ABTB3: variants seen among roughly 807,000 people sequenced by gnomAD.
The protein encoded by ABTB3 is ankyrin repeat- and BTB/POZ domain-containing protein 3.
At chr12:107,648,420 A>ACAC in the ABTB3 span, among the ~76,000 whole-genome samples, 2 of 151,622 alleles carry the variant, frequency 1.3e-5, no homozygotes, top group African/African-American at 2.4e-5. Flanking sequence ...ACACAAAGAC[A>ACAC]ATAGGAAGTA....
chr12:107,570,951 C>T, the ABTB3 span, among the ~76,000 whole-genome samples: 1 of 152,222 alleles, frequency 6.6e-6, no homozygotes, highest in Non-Finnish European at 1.5e-5. Flanking sequence ...AGGCCTGGCT[C>T]TGAGCCCAGC....
At chr12:107,648,415 A>ACACACACACAC in the ABTB3 span, among the ~76,000 whole-genome samples, 1 of 76,588 alleles carries the variant, frequency 1.3e-5, no homozygotes, top group Admixed American at 1.4e-4. Context: ...CACACACACA[A>ACACACACACAC]AGACAATAGG....
chr12:107,372,798 A>G, the ABTB3 span, among the ~76,000 whole-genome samples: 1 of 152,042 alleles, frequency 6.6e-6, no homozygotes, highest in Non-Finnish European at 1.5e-5. Context: ...TAGCACTTTA[A>G]CCAGTGGACC....
the ABTB3 span, among the ~76,000 whole-genome samples, chr12:107,327,401 C>G: frequency 3.3e-4 from 50 of 152,260 alleles, 1 homozygote; most frequent in African/African-American, 1.1e-3. Flanking sequence ...ACTCTTTTGT[C>G]TTATTGTTTG....
the ABTB3 span, among the ~76,000 whole-genome samples, chr12:107,343,272 C>T: frequency 6.6e-6 from 1 of 152,138 alleles, no homozygotes; most frequent in Non-Finnish European, 1.5e-5. Context: ...TCTTGGCCTC[C>T]TAAAGTGTTG....
the ABTB3 span, among the ~76,000 whole-genome samples, chr12:107,524,764 C>T: frequency 2.6e-5 from 4 of 152,164 alleles, no homozygotes; most frequent in East Asian, 5.8e-4. Flanking sequence ...AACTACACTC[C>T]CTCCAGGGAA....
the ABTB3 span, among the ~76,000 whole-genome samples, chr12:107,399,503 A>G: frequency 6.6e-6 from 1 of 152,092 alleles, no homozygotes; most frequent in South Asian, 2.1e-4. Flanking sequence ...GGACCCAAGG[A>G]TGCAGAAGAG....
chr12:107,565,105 G>C, the ABTB3 span, among the ~76,000 whole-genome samples: 1 of 152,328 alleles, frequency 6.6e-6, no homozygotes, highest in East Asian at 1.9e-4. Context: ...ACCGAGAGAG[G>C]CTGGGAAGCT....
At chr12:107,368,271 T>C in the ABTB3 span, among the ~76,000 whole-genome samples, 1 of 152,206 alleles carries the variant, frequency 6.6e-6, no homozygotes, top group Non-Finnish European at 1.5e-5. Context: ...ACACTGGCTC[T>C]TAAAGGCTCT....
the ABTB3 span, among the ~76,000 whole-genome samples, chr12:107,355,550 C>T: frequency 6.6e-6 from 1 of 152,172 alleles, no homozygotes; most frequent in Admixed American, 6.5e-5. Context: ...CCACCCTCAT[C>T]CCCCACCCTG....
chr12:107,546,973 G>A, the ABTB3 span, among the ~76,000 whole-genome samples: 1 of 151,906 alleles, frequency 6.6e-6, no homozygotes, highest in African/African-American at 2.4e-5. Context: ...GCGGGTGGAT[G>A]ACTTGAGCTC....
At chr12:107,574,275 G>A in the ABTB3 span, among the ~76,000 whole-genome samples, 1 of 152,148 alleles carries the variant, frequency 6.6e-6, no homozygotes, top group Non-Finnish European at 1.5e-5. Context: ...TTGTCTCCTG[G>A]ACCTGTGACC....
chr12:107,614,294 T>C, the ABTB3 span, among the ~76,000 whole-genome samples: 1 of 152,148 alleles, frequency 6.6e-6, no homozygotes, highest in Non-Finnish European at 1.5e-5. Context: ...AGATTGTTCA[T>C]TCATGATGCG....
the ABTB3 span, chr12:107,581,185 G>A: frequency 6.5e-7 from 1 of 1,539,020 alleles, no homozygotes; most frequent in Non-Finnish European, 8.7e-7. Context: ...TGATGGAGTG[G>A]ATCCGGGTGG....
At chr12:107,597,442 C>T in the ABTB3 span, among the ~76,000 whole-genome samples, 13 of 152,264 alleles carry the variant, frequency 8.5e-5, no homozygotes, top group African/African-American at 2.6e-4. Context: ...GGCAAGTGAG[C>T]GTGCACGATA....
the ABTB3 span, among the ~76,000 whole-genome samples, chr12:107,638,473 C>T: frequency 2.0e-5 from 3 of 152,176 alleles, no homozygotes; most frequent in Non-Finnish European, 4.4e-5. Context: ...TAAATCCAGC[C>T]ATAGGAAGCA....
At chr12:107,520,536 G>T in the ABTB3 span, 1 of 1,614,196 alleles carries the variant, frequency 6.2e-7, no homozygotes, top group Non-Finnish European at 8.5e-7. Flanking sequence ...ACCCACAGCG[G>T]TCAAACAAGC....
chr12:107,363,524 G>T, the ABTB3 span, among the ~76,000 whole-genome samples: 1 of 152,206 alleles, frequency 6.6e-6, no homozygotes, highest in Non-Finnish European at 1.5e-5. Flanking sequence ...TGTGTCTGTT[G>T]CCCTTTAGGG....
the ABTB3 span, among the ~76,000 whole-genome samples, chr12:107,625,227 A>G: frequency 6.6e-6 from 1 of 152,160 alleles, no homozygotes; most frequent in African/African-American, 2.4e-5. Flanking sequence ...TGTATAGTAG[A>G]TACTAGTCCT....
Sources: gnomAD v4.1 joint callset for allele counts (sites outside exome capture counted in the v4.1 genomes callset) on GRCh38, gnomAD v4.1.1 for gene constraint, MANE v1.5 for transcripts, NCBI Gene and HGNC (gene_info 2026-07-23, HGNC 2026-07-21) for gene names.